PKNOX2: variants seen among roughly 807,000 people sequenced by gnomAD.
PKNOX2 encodes the protein homeobox protein PKNOX2.
Under a neutral mutation model 53.1 loss-of-function variants are expected in PKNOX2, and 14 were observed. The observed-to-expected ratio is 0.26, with a 90% CI of 0.17 to 0.41. The LOEUF (loss-of-function observed/expected upper bound fraction) is 0.41, where lower values mean the gene tolerates loss of function less well. Among genes scored for constraint, PKNOX2 ranks in the 10% least tolerant of loss-of-function variants. PKNOX2 has a pLI of 1.00. For synonymous variants in PKNOX2, 257 were observed against 242.8 expected, an observed-to-expected ratio of 1.06 and a Z score of -0.54; for missense variants, 496 against 602.8, an observed-to-expected ratio of 0.82 and a Z score of 1.85.
chr11:125,429,722 G>C (rs1296021458), intron 11 of PKNOX2, among the ~76,000 whole-genome samples: 1 of 152,180 alleles, frequency 6.6e-6, no homozygotes, highest in African/African-American at 2.4e-5. Flanking sequence ...GGAAGGTCTT[G>C]AGCAGGGATT....
intron 2 of PKNOX2, among the ~76,000 whole-genome samples, chr11:125,312,613 C>T (rs1215754454): frequency 6.6e-6 from 1 of 152,106 alleles, no homozygotes; most frequent in Non-Finnish European, 1.5e-5. Context: ...GCAGACCCAC[C>T]GCACCCTGCC....
intron 2 of PKNOX2, among the ~76,000 whole-genome samples, chr11:125,265,375 T>C (rs1328780161): frequency 6.6e-6 from 1 of 152,068 alleles, no homozygotes; most frequent in Non-Finnish European, 1.5e-5. Context: ...CAAGCTGATT[T>C]CCGATTCAAT....
At chr11:125,264,937 A>C (rs1591504100) in intron 2 of PKNOX2, among the ~76,000 whole-genome samples, 1 of 152,278 alleles carries the variant, frequency 6.6e-6, no homozygotes, top group East Asian at 1.9e-4. Context: ...GCGTAAAGAA[A>C]GTTCCAAAGC....
At chr11:125,382,969 C>T (rs928140377) in intron 5 of PKNOX2, among the ~76,000 whole-genome samples, 2 of 152,110 alleles carry the variant, frequency 1.3e-5, no homozygotes, top group African/African-American at 4.8e-5. Flanking sequence ...GAGTCTGCAG[C>T]CCTGGGGCCC....
At chr11:125,189,421 G>GTATATATATA (rs1956676395) in intron 1 of PKNOX2, among the ~76,000 whole-genome samples, 5 of 44,676 alleles carry the variant, frequency 1.1e-4, no homozygotes, top group Admixed American at 3.5e-4. Flanking sequence ...ATATGTGTGT[G>GTATATATATA]TGTGTGTGTG....
intron 2 of PKNOX2, among the ~76,000 whole-genome samples, chr11:125,283,835 C>T (rs1011026607): frequency 1.3e-5 from 2 of 152,168 alleles, no homozygotes; most frequent in African/African-American, 4.8e-5. Context: ...TAATTCGAGG[C>T]ATTTCTGAAG....
chr11:125,378,626 C>T (rs1952991866), intron 5 of PKNOX2, among the ~76,000 whole-genome samples: 1 of 152,200 alleles, frequency 6.6e-6, no homozygotes, highest in South Asian at 2.1e-4. Flanking sequence ...GTGGATGGCC[C>T]AGGCAGGCAG....
chr11:125,276,035 C>T (rs752290550), intron 2 of PKNOX2, among the ~76,000 whole-genome samples: 9 of 152,066 alleles, frequency 5.9e-5, no homozygotes, highest in Non-Finnish European at 7.4e-5. Flanking sequence ...TTGCGAAATA[C>T]GGGAAAAACC....
intron 9 of PKNOX2, chr11:125,411,115 G>A: frequency 2.2e-6 from 1 of 463,600 alleles, no homozygotes; most frequent in Non-Finnish European, 3.9e-6. Flanking sequence ...TCCTATTCCT[G>A]TCTGCAGACT....
intron 2 of PKNOX2, among the ~76,000 whole-genome samples, chr11:125,260,342 G>T (rs1944748820): frequency 6.6e-6 from 1 of 152,144 alleles, no homozygotes; most frequent in Non-Finnish European, 1.5e-5. Flanking sequence ...GGGACTACAG[G>T]CACGTGCCAC....
At chr11:125,259,357 A>G (rs535651732) in intron 2 of PKNOX2, among the ~76,000 whole-genome samples, 2 of 152,354 alleles carry the variant, frequency 1.3e-5, no homozygotes, top group East Asian at 3.9e-4. Context: ...AATCCCTAAG[A>G]TTCCTGCCAG....
chr11:125,327,826 G>A (rs1949916040), intron 2 of PKNOX2, among the ~76,000 whole-genome samples: 1 of 152,214 alleles, frequency 6.6e-6, no homozygotes, highest in Non-Finnish European at 1.5e-5. Flanking sequence ...GTCAGTTCTG[G>A]GAAGGAGAAT....
chr11:125,310,277 A>T, intron 2 of PKNOX2, among the ~76,000 whole-genome samples: 1 of 152,076 alleles, frequency 6.6e-6, no homozygotes, highest in Non-Finnish European at 1.5e-5. Context: ...CGGGTGGATC[A>T]CAAGGTCAGG....
intron 7 of PKNOX2, among the ~76,000 whole-genome samples, chr11:125,402,056 C>T (rs943416225): frequency 6.6e-6 from 1 of 152,170 alleles, no homozygotes; most frequent in African/African-American, 2.4e-5. Flanking sequence ...AGATGCTATG[C>T]CGTGTCCTCC....
intron 3 of PKNOX2, among the ~76,000 whole-genome samples, chr11:125,342,479 G>C (rs1950744229): frequency 1.3e-5 from 2 of 152,150 alleles, no homozygotes; most frequent in South Asian, 2.1e-4. Context: ...TCAGAGAAGA[G>C]AGACTTATGA....
intron 10 of PKNOX2, among the ~76,000 whole-genome samples, chr11:125,426,579 G>A (rs1349217005): frequency 1.4e-5 from 2 of 145,346 alleles, no homozygotes; most frequent in Non-Finnish European, 3.0e-5. Flanking sequence ...ATCCTTCAAC[G>A]TTGGCCTCTT....
chr11:125,238,106 T>C (rs538795069), intron 2 of PKNOX2, among the ~76,000 whole-genome samples: 5 of 152,250 alleles, frequency 3.3e-5, no homozygotes, highest in East Asian at 3.9e-4. Flanking sequence ...CTGACCCGGA[T>C]GCAGCTAAAT....
At chr11:125,383,943 A>AAAAAC (rs549455111) in intron 5 of PKNOX2, among the ~76,000 whole-genome samples, 8 of 152,076 alleles carry the variant, frequency 5.3e-5, no homozygotes, top group African/African-American at 1.5e-4. Context: ...AAAAAACAAA[A>AAAAAC]AAAACAAAAC....
At chr11:125,293,975 A>G (rs1391799437) in intron 2 of PKNOX2, among the ~76,000 whole-genome samples, 2 of 152,232 alleles carry the variant, frequency 1.3e-5, no homozygotes, top group African/African-American at 2.4e-5. Context: ...AAAAAAATCC[A>G]GAATGCTTTG....
Sources: allele counts gnomAD v4.1 joint callset (sites outside exome capture counted in the v4.1 genomes callset), GRCh38; gene constraint gnomAD v4.1.1; transcripts MANE v1.5; gene names NCBI Gene and HGNC (gene_info 2026-07-23, HGNC 2026-07-21).